Variants in SYCP2 observed in about 807,000 individuals in gnomAD.
SYCP2 encodes the protein synaptonemal complex protein 2.
A neutral mutation model predicts 211.3 loss-of-function variants in SYCP2; 55 were observed. The ratio of observed to expected loss-of-function variants is 0.26; its 90% CI spans 0.21 to 0.33. The LOEUF (loss-of-function observed/expected upper bound fraction) is 0.33, where lower values mean the gene tolerates loss of function less well. SYCP2 is among the 10% of genes least tolerant of loss of function. The pLI is 1.00. For missense variants in SYCP2, 1,731 were observed against 1,752.0 expected (o/e 0.99, Z 0.21); for synonymous variants, 570 against 555.2 (o/e 1.03, Z -0.37).
rs751770033 is a variant in SYCP2 at position 59,881,414 on chromosome 20, T to A, written c.2714+23A>T. The A allele has an allele frequency of 4.5e-6, 6 of 1,319,796 alleles. No individual in the cohort carries two copies. The East Asian group carries it at 1.5e-4, about 33-fold the overall frequency. The allele number at this position is 1,319,796 out of a possible 1,614,324, so 81.8% of individuals were successfully genotyped here. On this transcript the variant is annotated intron_variant, in intron 29 of 44. Transcript: ENST00000357552. ...AAGAGAAAAAAAAAGATCAGAATATTTTAATCTAATAAAAATACCTACAAT... is the reference window on the plus strand; with the variant it reads ...AAGAGAAAAAAAAAGATCAGAATATATTAATCTAATAAAAATACCTACAAT...
At position 59,864,255 on chromosome 20, in the gene SYCP2, C is replaced by A; in HGVS notation, c.*56G>T. 2 of 1,228,440 alleles carry A rather than the reference C, an allele frequency of 1.6e-6. No individual in the cohort carries two copies. The highest frequency in any genetic ancestry group is 1.4e-5 in the South Asian group (1 of 70,808). 76.1% of individuals were successfully genotyped at this position (1,228,440 alleles called of 1,614,324 possible). The stretch of plus-strand genomic sequence containing the variant: ...CTCTTTGTAGGACTATTCTTATTTC[C>A]TCAGTTATATACAGAGAATAATAAT... On this transcript the variant is annotated 3_prime_UTR_variant, in exon 45 of 45. Coordinates refer to ENST00000357552, the MANE Select transcript of SYCP2 (RefSeq NM_014258.4).
intron 24 of SYCP2, 29 bp from the exon 25 acceptor site, chr20:59,886,863 C>A: frequency 6.6e-7 from 1 of 1,523,746 alleles, no homozygotes; most frequent in Non-Finnish European, 8.8e-7. Flanking sequence ...TACTTTTAAA[C>A]TCTACCAGTT....
chr20:59,919,831 CCT>C (rs1361622707), intron 5 of SYCP2, among the ~76,000 whole-genome samples: 4 of 151,266 alleles, frequency 2.6e-5, no homozygotes, highest in African/African-American at 9.7e-5. Flanking sequence ...TGTAGAAGAT[CCT>C]TATTTCTCCT....
chr20:59,926,203 C>A lies in SYCP2; in HGVS notation c.-46-3744G>T, dbSNP rs77681648. Among the ~76,000 whole-genome samples, 121 of 152,172 alleles carry A rather than the reference C, an allele frequency of 8.0e-4. No individual in the cohort carries two copies. The East Asian group carries it at 0.022, about 27-fold the overall frequency. ...TGTAACAAGAAGAAAAATGTTTGCT[C>A]ACAGCTATGTGTGGACTCTCACTGT... On this transcript the variant is annotated intron_variant, in intron 2 of 44. Coordinates refer to ENST00000357552, the MANE Select transcript of SYCP2 (RefSeq NM_014258.4).
chr20:59,899,997 C>T, intron 18 of SYCP2, 141 bp downstream of exon 18: 2 of 912,866 alleles, frequency 2.2e-6, no homozygotes, highest in Non-Finnish European at 3.4e-6. Context: ...TTGCATTTGT[C>T]AAAGGTAGGA....
At chr20:59,866,244 TTAAAAA>T (rs775837510) in intron 41 of SYCP2, 43 bp downstream of exon 41, 8 of 1,295,414 alleles carry the variant, frequency 6.2e-6, no homozygotes, top group South Asian at 1.4e-5. Context: ...GTATAGCTCT[TTAAAAA>T]TAAGGTTTTA....
intron 15 of SYCP2, among the ~76,000 whole-genome samples, chr20:59,902,765 A>G (rs2060139937): frequency 6.6e-6 from 1 of 152,258 alleles, no homozygotes; most frequent in East Asian, 1.9e-4. Context: ...AGGTACTAAG[A>G]ATTAACAATT....
chr20:59,906,571 A>G (rs952838469), intron 15 of SYCP2, among the ~76,000 whole-genome samples: 12 of 152,156 alleles, frequency 7.9e-5, no homozygotes, highest in African/African-American at 2.7e-4. Flanking sequence ...ACTCCTAAAC[A>G]TAAAAGCTAA....
At chr20:59,932,959 G>C (rs1020474664) in intron 1 of SYCP2, among the ~76,000 whole-genome samples, 18 of 152,070 alleles carry the variant, frequency 1.2e-4, no homozygotes, top group South Asian at 2.1e-4. Flanking sequence ...GCAACAACGA[G>C]GCCGAAGGCG....
chr20:59,920,840 A>G (rs139128430), intron 4 of SYCP2, among the ~76,000 whole-genome samples: 81 of 151,764 alleles, frequency 5.3e-4, no homozygotes, highest in African/African-American at 1.9e-3. Context: ...TGAATCTCAG[A>G]TACTGGGGTA....
chr20:59,901,061 T>C (rs2060106952), intron 16 of SYCP2, among the ~76,000 whole-genome samples: 1 of 152,102 alleles, frequency 6.6e-6, no homozygotes, highest in Non-Finnish European at 1.5e-5. Context: ...CATCTAATAT[T>C]ATGCAACATA....
rs577386619 is a variant in SYCP2 at position 59,889,622 on chromosome 20, T to C, written c.2364+2368A>G. On this transcript the variant is annotated intron_variant, in intron 24 of 44. Transcript: ENST00000357552. ...AACCATTTTTAAGTCCATATGTTCT[T>C]ATATATAATAGGTACTAAGTTATTA... Among the ~76,000 whole-genome samples the C allele has an allele frequency of 2.0e-5, 3 of 152,120 alleles. No individual in the cohort carries two copies. The East Asian group carries it at 5.8e-4, about 29-fold the overall frequency.
chr20:59,874,356 T>C (rs1179366615), intron 34 of SYCP2, among the ~76,000 whole-genome samples: 1 of 152,132 alleles, frequency 6.6e-6, no homozygotes, highest in Non-Finnish European at 1.5e-5. Context: ...CTAAGTATTA[T>C]CTTGAGTATT....
At chr20:59,931,623 T>C (rs1383864078) in intron 2 of SYCP2, among the ~76,000 whole-genome samples, 3 of 152,188 alleles carry the variant, frequency 2.0e-5, no homozygotes, top group African/African-American at 4.8e-5. Context: ...CTAAAGCAAT[T>C]TGAAACAGTG....
chr20:59,894,016 G>A (rs916742457), intron 20 of SYCP2, among the ~76,000 whole-genome samples: 2 of 152,024 alleles, frequency 1.3e-5, no homozygotes, highest in Admixed American at 6.6e-5. Flanking sequence ...CGAAGAGGAC[G>A]ATTTTTGTTT....
intron 20 of SYCP2, 96 bp from the exon 21 acceptor site, chr20:59,893,689 G>T: frequency 3.9e-6 from 3 of 776,414 alleles, no homozygotes; most frequent in South Asian, 2.4e-5. Context: ...AAACAAATCT[G>T]CCTTGATATG....
At chr20:59,918,086 C>A (rs533900934) in intron 7 of SYCP2, among the ~76,000 whole-genome samples, 2 of 152,326 alleles carry the variant, frequency 1.3e-5, no homozygotes, top group African/African-American at 4.8e-5. Flanking sequence ...CCCTACCACA[C>A]AGCAGTCCAA....
chr20:59,868,368 C>G, intron 38 of SYCP2, 45 bp downstream of exon 38: 1 of 1,574,242 alleles, frequency 6.4e-7, no homozygotes, highest in Non-Finnish European at 8.6e-7. Flanking sequence ...ATAAGAACCA[C>G]CCTCCAAATA....
At chr20:59,914,640 T>A (rs2060399437) in intron 10 of SYCP2, among the ~76,000 whole-genome samples, 1 of 151,904 alleles carries the variant, frequency 6.6e-6, no homozygotes, top group South Asian at 2.1e-4. Context: ...AACCATGATT[T>A]ATTCTACATG....
Sources: allele counts gnomAD v4.1 joint callset (sites outside exome capture counted in the v4.1 genomes callset), GRCh38; gene constraint gnomAD v4.1.1; transcripts MANE v1.5; gene names NCBI Gene and HGNC (gene_info 2026-07-23, HGNC 2026-07-21).